The following OR9Q1 variants were observed in gnomAD, a reference collection of about 807,000 sequenced individuals.
The protein encoded by OR9Q1 is olfactory receptor 9Q1.
For synonymous variants in OR9Q1, 153 were observed against 148.6 expected (o/e 1.03, Z -0.22); for missense variants, 374 against 378.8 (o/e 0.99, Z 0.11).
At chr11:58,171,425 C>T (rs374007389) in intron 2 of OR9Q1, 2 of 152,314 alleles carry the variant, frequency 1.3e-5, no homozygotes, top group South Asian at 2.1e-4. Context: ...AGTTTTGATC[C>T]TGTTCTCTGA....
chr11:58,102,745 T>G (rs986397681), intron 2 of OR9Q1, among the ~76,000 whole-genome samples: 6 of 152,136 alleles, frequency 3.9e-5, no homozygotes, highest in Non-Finnish European at 8.8e-5. Flanking sequence ...CCAGAGAGGA[T>G]CGGTTGGGTT....
chr11:58,085,043 C>G (rs371182166), intron 2 of OR9Q1, among the ~76,000 whole-genome samples: 1 of 151,836 alleles, frequency 6.6e-6, no homozygotes, highest in African/African-American at 2.4e-5. Context: ...TTAGAAAACC[C>G]TAAAAACTAT....
At chr11:58,171,818 A>G (rs1854558006) in intron 2 of OR9Q1, 6 of 152,210 alleles carry the variant, frequency 3.9e-5, no homozygotes, top group Admixed American at 3.9e-4. Context: ...CATGCAAACT[A>G]GGCATGGAAC....
At chr11:58,066,214 C>T (rs942940407) in intron 2 of OR9Q1, among the ~76,000 whole-genome samples, 2 of 152,092 alleles carry the variant, frequency 1.3e-5, no homozygotes, top group Admixed American at 6.5e-5. Flanking sequence ...CTGTCTGGTC[C>T]AGCGCTGTGT....
Position 58,173,976 on chromosome 11 carries a change from G to T in OR9Q1, c.-14-5455G>T, listed in dbSNP as rs115910102. 7.1e-3 allele frequency among the ~76,000 whole-genome samples: 1,074 copies of T among 152,260 alleles called. 9 individuals carry two copies. Among genetic ancestry groups the T allele is most frequent in the African/African-American group, 0.019 (775 of 41,550 alleles). On this transcript the variant is annotated intron_variant, in intron 2 of 2. Coordinates refer to ENST00000335397, the MANE Select transcript of OR9Q1 (RefSeq NM_001005212.4). The stretch of plus-strand genomic sequence containing the variant: ...TGATGTAATTTGTTGAAGTTTACAG[G>T]TCGGGGTTTGGGCAGCTTAGGGTGA...
At chr11:58,118,897 G>T in intron 2 of OR9Q1, 1 of 1,614,034 alleles carries the variant, frequency 6.2e-7, no homozygotes, top group Non-Finnish European at 8.5e-7. Context: ...CTTCAGCAGG[G>T]GTGGGAGGTC....
intron 2 of OR9Q1, among the ~76,000 whole-genome samples, chr11:58,138,053 C>A (rs1403029184): frequency 6.6e-6 from 1 of 152,158 alleles, no homozygotes; most frequent in Non-Finnish European, 1.5e-5. Flanking sequence ...TGGCAGCACC[C>A]ACACTTGAAT....
intron 2 of OR9Q1, among the ~76,000 whole-genome samples, chr11:58,061,832 G>A (rs1374966534): frequency 6.6e-6 from 1 of 152,194 alleles, no homozygotes; most frequent in Non-Finnish European, 1.5e-5. Flanking sequence ...GGTGCCAGCG[G>A]TGGTTACAAT....
Position 58,050,748 on chromosome 11 carries a change from A to G in OR9Q1, c.-92-5122A>G, listed in dbSNP as rs1853266613. ...ATCTACAATGAACTCAAACAAATTT[A>G]CAAGAAAAAAACAAACAACCCCATC... On this transcript the variant is annotated intron_variant, in intron 1 of 2. Transcript: ENST00000335397. Among the ~76,000 whole-genome samples, 2 of 104,660 alleles carry G rather than the reference A, an allele frequency of 1.9e-5. 1 individual carries two copies. The highest frequency in any genetic ancestry group is 6.5e-5 in the African/African-American group (2 of 30,670). 68.7% of individuals were successfully genotyped at this position (104,660 alleles called of 152,430 possible).
At chr11:58,155,381 T>TA (rs1280108495) in intron 2 of OR9Q1, among the ~76,000 whole-genome samples, 3 of 152,012 alleles carry the variant, frequency 2.0e-5, no homozygotes, top group Non-Finnish European at 2.9e-5. Flanking sequence ...CTGGGCACCG[T>TA]AGCGCAGCCA....
At chr11:58,111,357 T>C (rs1051921300) in intron 2 of OR9Q1, among the ~76,000 whole-genome samples, 16 of 152,286 alleles carry the variant, frequency 1.1e-4, no homozygotes, top group African/African-American at 3.8e-4. Flanking sequence ...ACTGTGATTA[T>C]TCTGTGCTTC....
intron 2 of OR9Q1, among the ~76,000 whole-genome samples, chr11:58,176,807 A>G (rs538426653): frequency 2.2e-4 from 33 of 152,258 alleles, no homozygotes; most frequent in Admixed American, 2.1e-3. Context: ...ATAACTGAGC[A>G]AGTCTGGGAG....
chr11:58,045,364 C>G (rs1853206041), intron 1 of OR9Q1: 1 of 152,232 alleles, frequency 6.6e-6, no homozygotes, highest in Non-Finnish European at 1.5e-5. Flanking sequence ...TCCCAAGTAG[C>G]TGGGATTACA....
At chr11:58,109,721 G>C in intron 2 of OR9Q1, 1 of 376,246 alleles carries the variant, frequency 2.7e-6, no homozygotes, top group Non-Finnish European at 5.2e-6. Context: ...CAGAACTAAA[G>C]GTCTTTGCTT....
chr11:58,101,838 C>A (rs566771826), intron 2 of OR9Q1, among the ~76,000 whole-genome samples: 1 of 152,272 alleles, frequency 6.6e-6, no homozygotes, highest in Non-Finnish European at 1.5e-5. Context: ...CTTCCGCCTC[C>A]CAGGTTCAAG....
At chr11:58,031,228 T>C in intron 1 of OR9Q1, 1 of 1,614,180 alleles carries the variant, frequency 6.2e-7, no homozygotes, top group Admixed American at 1.7e-5. Flanking sequence ...GGGTGGATGG[T>C]GGCAAGAATA....
At chr11:58,061,733 C>G (rs1393178139) in intron 2 of OR9Q1, among the ~76,000 whole-genome samples, 1 of 152,160 alleles carries the variant, frequency 6.6e-6, no homozygotes, top group Non-Finnish European at 1.5e-5. Context: ...TTGCAAAATG[C>G]TCAAGAATTT....
At chr11:58,066,692 G>A (rs976986273) in intron 2 of OR9Q1, among the ~76,000 whole-genome samples, 7 of 152,134 alleles carry the variant, frequency 4.6e-5, no homozygotes, top group Admixed American at 1.3e-4. Context: ...ATAGGAGTGG[G>A]AAGGATGCCC....
rs1853761177 is a variant in OR9Q1 at position 58,099,288 on chromosome 11, A to C, written c.-15+43341A>C. Among the ~76,000 whole-genome samples the C allele has an allele frequency of 2.1e-5, 3 of 140,724 alleles. No individual in the cohort carries two copies. The Admixed American group carries it at 2.1e-4, about 10-fold the overall frequency. 92.3% of individuals were successfully genotyped at this position (140,724 alleles called of 152,430 possible). ...CTATACATTATATATAATATATAAA[A>C]TAATATAAAATATATAACATAATAT... On this transcript the variant is annotated intron_variant, in intron 2 of 2. Transcript: ENST00000335397.
Sources: allele counts gnomAD v4.1 joint callset (sites outside exome capture counted in the v4.1 genomes callset), GRCh38; gene constraint gnomAD v4.1.1; transcripts MANE v1.5; gene names NCBI Gene and HGNC (gene_info 2026-07-23, HGNC 2026-07-21).